TTLL2: variants seen among roughly 807,000 people sequenced by gnomAD.
TTLL2 encodes probable tubulin polyglutamylase TTLL2.
Under a neutral mutation model 7.5 loss-of-function variants are expected in TTLL2, and 10 were observed. The observed-to-expected ratio is 1.33, with a 90% CI of 0.82 to 2.25. TTLL2 has a LOEUF of 2.25. TTLL2 is among the 30% of genes most tolerant of loss of function. TTLL2 has a pLI of 0.00. For missense variants in TTLL2, 733 were observed against 735.7 expected, an observed-to-expected ratio of 1.00 and a Z score of 0.04; for synonymous variants, 284 against 280.3, an observed-to-expected ratio of 1.01 and a Z score of -0.13.
At chr6:167,332,075 G>A (rs1778926775) in intron 1 of TTLL2, among the ~76,000 whole-genome samples, 1 of 152,092 alleles carries the variant, frequency 6.6e-6, no homozygotes, top group South Asian at 2.1e-4. Context: ...ATGTAACAGA[G>A]TTTAACTAAG....
chr6:167,328,410 C>A (rs933268887), intron 1 of TTLL2: 5 of 284,838 alleles, frequency 1.8e-5, no homozygotes, highest in Non-Finnish European at 2.8e-5. Context: ...GCTCTTCCCC[C>A]TTCCTACACC....
At chr6:167,326,281 A>G (rs9456267) in intron 1 of TTLL2, among the ~76,000 whole-genome samples, 37,416 of 152,050 alleles carry the variant, frequency 0.25, 7,019 homozygotes, top group African/African-American at 0.53. Context: ...TTTCTGGTTT[A>G]ATAATAAAAT....
intron 1 of TTLL2, among the ~76,000 whole-genome samples, chr6:167,327,332 C>T (rs1361029780): frequency 6.6e-6 from 1 of 152,118 alleles, no homozygotes; most frequent in Non-Finnish European, 1.5e-5. Flanking sequence ...GGGTGAAATT[C>T]AGCAGAACTG....
In TTLL2 at chr6:167,340,900, T is replaced by G; in HGVS notation, c.1000T>G (p.Trp334Gly). 6.2e-7 allele frequency: 1 copy of G among 1,614,176 alleles called. No individual in the cohort carries two copies. The highest frequency in any genetic ancestry group is 8.5e-7 in the Non-Finnish European group (1 of 1,180,034). The change falls in exon 3 of 3, where the codon TGG (tryptophan) becomes GGG (glycine). Residue 334 changes from tryptophan (W) to glycine (G), a missense_variant. Coordinates refer to ENST00000239587, the MANE Select transcript of TTLL2 (RefSeq NM_031949.5). ...CAGATTTTTTTCCTACCTTCGTAGC[T>G]GGGATGTGGACGATCTGCTTTTGTG... is the stretch of plus-strand genomic sequence containing the variant. ...LSRFFSYLRS[W>G]DVDDLLLWKK...
chr6:167,341,195 A>G lies in TTLL2; in HGVS notation c.1295A>G (p.His432Arg), dbSNP rs754185512. ...GGGAGAGAAGCCAGTAATGCCACAC[A>G]TGGAAATTCCAACATCGACGCTGCA... ...NEGREASNAT[H>R]GNSNIDAAKS... The change falls in exon 3 of 3, where the codon CAT becomes CGT. Residue 432 changes from histidine (H) to arginine (R), a missense_variant. His to Arg is a conservative substitution (Grantham distance 29). Coordinates refer to ENST00000239587, the MANE Select transcript of TTLL2 (RefSeq NM_031949.5). 6.8e-6 allele frequency: 11 copies of G among 1,613,662 alleles called. No individual in the cohort carries two copies. The highest frequency in any genetic ancestry group is 1.6e-4 in the Middle Eastern group (1 of 6,084).
rs1344671508 is a variant in TTLL2, at chr6:167,341,838, C to T, written c.*159C>T. 1.2e-5 allele frequency: 9 copies of T among 750,844 alleles called. No individual in the cohort carries two copies. The highest frequency in any genetic ancestry group is 1.7e-5 in the Non-Finnish European group (8 of 480,148). 46.5% of individuals were successfully genotyped at this position (750,844 alleles called of 1,614,324 possible). A position where few individuals can be genotyped will look rare whatever the true frequency, so the allele number is the denominator to read the frequency against. On this transcript the variant is annotated 3_prime_UTR_variant, in exon 3 of 3. Transcript: ENST00000239587. Reference sequence around the variant, plus strand: ...GGCCATATGTATAAATATAACAGCTCTGACAAAGCACAATATGTTCAAGTG... The same window carrying T: ...GGCCATATGTATAAATATAACAGCTTTGACAAAGCACAATATGTTCAAGTG...
chr6:167,328,242 C>T (rs1778872244), intron 1 of TTLL2: 1 of 405,800 alleles, frequency 2.5e-6, no homozygotes, highest in Non-Finnish European at 4.9e-6. Context: ...CCGCTCTCTC[C>T]TACTGCATCC....
chr6:167,339,594 T>C (rs1374118328), intron 2 of TTLL2, among the ~76,000 whole-genome samples: 1 of 152,164 alleles, frequency 6.6e-6, no homozygotes, highest in Non-Finnish European at 1.5e-5. Flanking sequence ...GTCAGGTGGG[T>C]GCATGGGGAA....
intron 1 of TTLL2, among the ~76,000 whole-genome samples, chr6:167,333,915 T>G: frequency 2.1e-5 from 2 of 96,794 alleles, no homozygotes; most frequent in African/African-American, 9.0e-5. Context: ...ATTGATTTTT[T>G]GAAGGGTTTT....
chr6:167,325,188 C>A lies in TTLL2; in HGVS notation c.15C>A (p.Asp5Glu). MRGR[D>E]LCSSTQSQAL... ...ACCAGCGCCCAATGAGAGGGCGGGACCTGTGTTCCTCCACACAAAGCCAGG... is the reference window on the plus strand; with the variant it reads ...ACCAGCGCCCAATGAGAGGGCGGGAACTGTGTTCCTCCACACAAAGCCAGG... Residue 5 changes from aspartate (D) to glutamate (E), a missense_variant, in exon 1 of 3, where the codon GAC becomes GAA. Asp to Glu is a conservative substitution (Grantham distance 45). Transcript: ENST00000239587. 1 of 1,579,128 alleles carries A rather than the reference C, an allele frequency of 6.3e-7. No homozygotes were observed. The highest frequency in any genetic ancestry group is 8.6e-7 in the Non-Finnish European group (1 of 1,163,322).
intron 2 of TTLL2, among the ~76,000 whole-genome samples, chr6:167,339,355 T>C (rs1461363017): frequency 2.6e-5 from 4 of 152,222 alleles, no homozygotes; most frequent in Admixed American, 2.0e-4. Context: ...TCATCATCAG[T>C]TATGATCGTC....
intron 1 of TTLL2, among the ~76,000 whole-genome samples, chr6:167,337,943 AAC>A (rs1779011734): frequency 6.6e-6 from 1 of 151,952 alleles, no homozygotes; most frequent in African/African-American, 2.4e-5. Flanking sequence ...CAACCCATGA[AAC>A]ACACAACACA....
rs2115229371 is a variant in TTLL2 at position 167,342,156 on chromosome 6, T to A, written c.*477T>A. On this transcript the variant is annotated 3_prime_UTR_variant, in exon 3 of 3. Coordinates refer to ENST00000239587, the MANE Select transcript of TTLL2 (RefSeq NM_031949.5). ...AGACAATCATTCAGAGTGAGATAAA[T>A]CACTGAAAGCCCTAATGACTCTGTT... Among the ~76,000 whole-genome samples, 1 of 152,312 alleles carries A rather than the reference T, an allele frequency of 6.6e-6. No homozygotes were observed. Among genetic ancestry groups the A allele is most frequent in the Non-Finnish European group, 1.5e-5 (1 of 68,022 alleles).
rs1779091413 is a variant in TTLL2, at chr6:167,341,286, C to T, written c.1386C>T (p.Ser462=). The change falls in exon 3 of 3, where the codon AGC becomes AGT. Residue 462 remains serine, a synonymous_variant. Coordinates refer to ENST00000239587, the MANE Select transcript of TTLL2 (RefSeq NM_031949.5). The part of the protein sequence containing the change: ...CLPYDSLSFT[S]RMYNEDDSVV... Reference sequence around the variant, plus strand: ...CTTATGATTCTCTTTCGTTCACAAGCAGAATGTACAACGAGGATGACTCTG... The same window carrying T: ...CTTATGATTCTCTTTCGTTCACAAGTAGAATGTACAACGAGGATGACTCTG... The T allele has an allele frequency of 1.2e-6, 2 of 1,613,578 alleles. No individual in the cohort carries two copies. The highest frequency in any genetic ancestry group is 2.7e-5 in the African/African-American group (2 of 74,826).
chr6:167,332,290 C>CTGATTAGTAGTGTGCTAATCACTACTTGG (rs1778929062), intron 1 of TTLL2, among the ~76,000 whole-genome samples: 1 of 152,122 alleles, frequency 6.6e-6, no homozygotes, highest in African/African-American at 2.4e-5. Flanking sequence ...CTGTGGTCGG[C>CTGATTAGTAGTGTGCTAATCACTACTTGG]TGATTAGTAG....
Position 167,341,912 on chromosome 6 carries a change from A to G in TTLL2, c.*233A>G, listed in dbSNP as rs1244842015. ...ATGTTTATTTGCTCAGGTGTCTTGA[A>G]AGAATTCTACAAATACCACACAGCC... is the stretch of plus-strand genomic sequence containing the variant. On this transcript the variant is annotated 3_prime_UTR_variant, in exon 3 of 3. Transcript: ENST00000239587. 3.9e-6 allele frequency: 2 copies of G among 512,772 alleles called. No individual in the cohort carries two copies. Among genetic ancestry groups the G allele is most frequent in the Non-Finnish European group, 6.8e-6 (2 of 295,508 alleles). The allele number at this position is 512,772 out of a possible 1,614,324, so 31.8% of individuals were successfully genotyped here. A position where few individuals can be genotyped will look rare whatever the true frequency, so the allele number is the denominator to read the frequency against.
At chr6:167,331,416 A>G (rs1457650997) in intron 1 of TTLL2, among the ~76,000 whole-genome samples, 7 of 152,012 alleles carry the variant, frequency 4.6e-5, no homozygotes. Flanking sequence ...CCCTCCTCCT[A>G]ACCTTCCCAG....
chr6:167,340,905 T>C lies in TTLL2; in HGVS notation c.1005T>C (p.Asp335=), dbSNP rs1201305878. 1.2e-6 allele frequency: 2 copies of C among 1,614,176 alleles called. No homozygotes were observed. Among genetic ancestry groups the C allele is most frequent in the South Asian group, 2.2e-5 (2 of 91,084 alleles). ...TTTTTTCCTACCTTCGTAGCTGGGA[T>C]GTGGACGATCTGCTTTTGTGGAAGA... is the stretch of plus-strand genomic sequence containing the variant. ...SRFFSYLRSW[D]VDDLLLWKKI... The change falls in exon 3 of 3, where the codon GAT becomes GAC. Residue 335 remains aspartate, a synonymous_variant. Transcript: ENST00000239587.
chr6:167,341,449 C>T lies in TTLL2; in HGVS notation c.1549C>T (p.Pro517Ser), dbSNP rs1338334953. The T allele has an allele frequency of 1.2e-6, 2 of 1,614,042 alleles. No individual in the cohort carries two copies. The highest frequency in any genetic ancestry group is 1.7e-6 in the Non-Finnish European group (2 of 1,180,028). The change falls in exon 3 of 3, where the codon CCT becomes TCT. Residue 517 changes from proline to serine, a missense_variant. Pro to Ser is a moderately conservative substitution (Grantham distance 74, BLOSUM62 -1). Coordinates refer to ENST00000239587, the MANE Select transcript of TTLL2 (RefSeq NM_031949.5). ...GCCCAAGTTACGGAGCAGGCACACG[C>T]CTCACAAGACACTCATGCCCTACGC... ...SKPKLRSRHT[P>S]HKTLMPYASL...
Sources: allele counts gnomAD v4.1 joint callset (sites outside exome capture counted in the v4.1 genomes callset), GRCh38; gene constraint gnomAD v4.1.1; transcripts MANE v1.5; gene names NCBI Gene and HGNC (gene_info 2026-07-23, HGNC 2026-07-21).